The following NRCAM variants were observed in gnomAD, a reference collection of about 807,000 sequenced individuals.
The protein encoded by NRCAM is NgCAM-related cell adhesion molecule.
Under a neutral mutation model 156.5 loss-of-function variants are expected in NRCAM, and 83 were observed. The ratio of observed to expected loss-of-function variants is 0.53; its 90% CI spans 0.44 to 0.64. The LOEUF (loss-of-function observed/expected upper bound fraction) is 0.64. Ranked by LOEUF, NRCAM falls within the 30% of genes least tolerant of loss-of-function variation. The pLI, the probability that NRCAM is intolerant of heterozygous loss-of-function variation, is 0.00. For missense variants in NRCAM, 1,417 were observed against 1,597.3 expected (o/e 0.89, Z 1.92); for synonymous variants, 538 against 563.9 (o/e 0.95, Z 0.65).
intron 14 of NRCAM, among the ~76,000 whole-genome samples, chr7:108,197,367 A>G (rs181006809): frequency 6.6e-6 from 1 of 152,300 alleles, no homozygotes. Flanking sequence ...GCTGAAGTAT[A>G]ATTCCCAGGC....
intron 2 of NRCAM, among the ~76,000 whole-genome samples, chr7:108,324,616 A>G (rs13242382): frequency 0.61 from 93,407 of 152,028 alleles, 29,028 homozygotes; most frequent in African/African-American, 0.68. Flanking sequence ...TGAAGGCCAC[A>G]TGGAAGCCTC....
intron 7 of NRCAM, among the ~76,000 whole-genome samples, chr7:108,231,526 C>G (rs2094328124): frequency 6.6e-6 from 1 of 152,020 alleles, no homozygotes; most frequent in Non-Finnish European, 1.5e-5. Flanking sequence ...CTCTGAATAC[C>G]ATAGAGTATT....
At chr7:108,390,488 A>G (rs1030117105) in intron 2 of NRCAM, among the ~76,000 whole-genome samples, 2 of 151,876 alleles carry the variant, frequency 1.3e-5, no homozygotes, top group Admixed American at 6.6e-5. Flanking sequence ...TCTTGCTAGC[A>G]GTCTATCAAT....
chr7:108,349,500 C>T (rs557689083), intron 2 of NRCAM, among the ~76,000 whole-genome samples: 22 of 152,070 alleles, frequency 1.4e-4, no homozygotes, highest in African/African-American at 5.3e-4. Flanking sequence ...GATCTCCTCA[C>T]CTTGTGATCC....
intron 2 of NRCAM, among the ~76,000 whole-genome samples, chr7:108,368,678 G>A (rs1257772325): frequency 2.0e-5 from 3 of 151,970 alleles, no homozygotes; most frequent in Admixed American, 1.3e-4. Context: ...TAGTGCCAAG[G>A]GCCAGCTGAT....
At chr7:108,373,224 G>A (rs1362324158) in intron 2 of NRCAM, among the ~76,000 whole-genome samples, 2 of 152,120 alleles carry the variant, frequency 1.3e-5, no homozygotes, top group Non-Finnish European at 2.9e-5. Flanking sequence ...ACTAGTCATT[G>A]GGCATAAAGT....
At chr7:108,418,439 G>C (rs1804481495) in intron 1 of NRCAM, among the ~76,000 whole-genome samples, 1 of 151,984 alleles carries the variant, frequency 6.6e-6, no homozygotes, top group Non-Finnish European at 1.5e-5. Flanking sequence ...AATAATAGAT[G>C]GGACAAACGA....
intron 3 of NRCAM, among the ~76,000 whole-genome samples, chr7:108,298,801 T>C (rs2098509040): frequency 6.6e-6 from 1 of 151,672 alleles, no homozygotes. Flanking sequence ...ATCTTCCAGA[T>C]TCTTTTATTA....
At chr7:108,344,239 C>A (rs529265831) in intron 2 of NRCAM, among the ~76,000 whole-genome samples, 121 of 152,308 alleles carry the variant, frequency 7.9e-4, no homozygotes, top group African/African-American at 2.2e-3. Flanking sequence ...GTGACTGCAA[C>A]CACCTTTAAA....
At chr7:108,394,572 C>T (rs905706439) in intron 2 of NRCAM, among the ~76,000 whole-genome samples, 1 of 152,106 alleles carries the variant, frequency 6.6e-6, no homozygotes, top group African/African-American at 2.4e-5. Context: ...TACACACATA[C>T]TAATATGATG....
intron 2 of NRCAM, among the ~76,000 whole-genome samples, chr7:108,373,012 G>A (rs2099638940): frequency 6.6e-6 from 1 of 151,966 alleles, no homozygotes. Flanking sequence ...ATACTGTTCA[G>A]CCTTAAAAAA....
rs2092889333 is a variant in NRCAM at position 108,223,781 on chromosome 7, A to G, written c.834T>C (p.Ser278=). 5 of 1,611,908 alleles carry G rather than the reference A, an allele frequency of 3.1e-6. No individual in the cohort carries two copies. Among genetic ancestry groups the G allele is most frequent in the Non-Finnish European group, 4.2e-6 (5 of 1,178,230 alleles). Residue 278 remains serine (S), a synonymous_variant, in exon 11 of 33, where the codon AGT becomes AGC. Transcript: ENST00000379028. ...PTFLTPEGNA[S]NKEELRGNVL... is the part of the protein sequence containing the mutation. ...CATTTCCTCTTAATTCCTCTTTGTT[A>G]CTTGCATTGCCTTCTGGAGTTAAAA... is the stretch of plus-strand genomic sequence containing the variant.
rs2040184330 is a variant in NRCAM at position 108,149,691 on chromosome 7, G to A, written c.*219C>T. Reference sequence around the variant, plus strand: ...TTTTTATCAGTTCTGAGGAAATCAAGAATACCCATTTTGAATGAAAAAGTA... The same window carrying A: ...TTTTTATCAGTTCTGAGGAAATCAAAAATACCCATTTTGAATGAAAAAGTA... On this transcript the variant is annotated 3_prime_UTR_variant, in exon 33 of 33. Transcript: ENST00000379028. 1 of 554,520 alleles carries A rather than the reference G, an allele frequency of 1.8e-6. No homozygotes were observed. Among genetic ancestry groups the A allele is most frequent in the African/African-American group, 1.9e-5 (1 of 53,066 alleles). 34.3% of individuals were successfully genotyped at this position (554,520 alleles called of 1,614,324 possible).
intron 22 of NRCAM, among the ~76,000 whole-genome samples, chr7:108,183,632 G>A (rs1163680315): frequency 1.3e-5 from 2 of 151,880 alleles, no homozygotes; most frequent in African/African-American, 2.4e-5. Context: ...CGCCTCCTGG[G>A]TTCAAGCGAT....
chr7:108,218,181 G>T (rs1023028984), intron 11 of NRCAM, among the ~76,000 whole-genome samples: 1 of 151,728 alleles, frequency 6.6e-6, no homozygotes, highest in Non-Finnish European at 1.5e-5. Flanking sequence ...GCTGGGGGGG[G>T]GGGGGAGTTC....
At chr7:108,352,224 TA>T (rs1204211314) in intron 2 of NRCAM, among the ~76,000 whole-genome samples, 3 of 152,236 alleles carry the variant, frequency 2.0e-5, no homozygotes, top group Non-Finnish European at 2.9e-5. Flanking sequence ...GAATGCAAGA[TA>T]TTGCATCCTA....
At chr7:108,333,789 C>A (rs1161387123) in intron 2 of NRCAM, among the ~76,000 whole-genome samples, 3 of 152,192 alleles carry the variant, frequency 2.0e-5, no homozygotes, top group Non-Finnish European at 4.4e-5. Context: ...CAATGCAACT[C>A]TTTTAACTGA....
At chr7:108,394,850 C>T (rs755277635) in intron 2 of NRCAM, among the ~76,000 whole-genome samples, 27 of 152,018 alleles carry the variant, frequency 1.8e-4, no homozygotes, top group Non-Finnish European at 1.6e-4. Context: ...GATATAATTG[C>T]CTCAGGATGG....
rs10271382 is a variant in NRCAM at position 108,261,641 on chromosome 7, T to C, written c.-106-21471A>G. On this transcript the variant is annotated intron_variant, in intron 3 of 32. Coordinates refer to ENST00000379028, the MANE Select transcript of NRCAM (RefSeq NM_001037132.4). ...GTATTGGACCCCTCGTGTGCACCACTTCAAAGTCCTCTTGGGTTGTTCCTC... is the reference window on the plus strand; with the variant it reads ...GTATTGGACCCCTCGTGTGCACCACCTCAAAGTCCTCTTGGGTTGTTCCTC... 6.3e-3 allele frequency among the ~76,000 whole-genome samples: 957 copies of C among 152,250 alleles called. 10 individuals carry two copies. The highest frequency in any genetic ancestry group is 0.022 in the African/African-American group (907 of 41,538).
Sources: allele counts gnomAD v4.1 joint callset (sites outside exome capture counted in the v4.1 genomes callset), GRCh38; gene constraint gnomAD v4.1.1; transcripts MANE v1.5; gene names NCBI Gene and HGNC (gene_info 2026-07-23, HGNC 2026-07-21).